Variants in FOXP2 observed in about 807,000 individuals in gnomAD.
The protein encoded by FOXP2 is forkhead box P2.
Under a neutral mutation model 115.8 loss-of-function variants are expected in FOXP2, and 12 were observed. The ratio of observed to expected loss-of-function variants is 0.10; its 90% confidence interval spans 0.07 to 0.17. The LOEUF (loss-of-function observed/expected upper bound fraction) is 0.17, where lower values mean the gene tolerates loss of function less well. Among genes scored for constraint, FOXP2 ranks in the 10% least tolerant of loss-of-function variants. The pLI is 1.00. For synonymous variants in FOXP2, 328 were observed against 297.7 expected (o/e 1.10, Z -1.05); for missense variants, 629 against 843.5 (o/e 0.75, Z 3.15).
At chr7:114,521,343 G>T (rs1798613056) in intron 2 of FOXP2, among the ~76,000 whole-genome samples, 1 of 151,744 alleles carries the variant, frequency 6.6e-6, no homozygotes, top group African/African-American at 2.4e-5. Flanking sequence ...TTAAAAGGGA[G>T]ATTAGAGTGA....
intron 3 of FOXP2, among the ~76,000 whole-genome samples, chr7:114,604,963 C>G (rs1803232873): frequency 6.6e-6 from 1 of 152,134 alleles, no homozygotes; most frequent in African/African-American, 2.4e-5. Context: ...TCTTTCTGAG[C>G]CCATAAGAAA....
intron 1 of FOXP2, among the ~76,000 whole-genome samples, chr7:114,198,996 A>C (rs1007406136): frequency 1.3e-5 from 2 of 152,048 alleles, no homozygotes; most frequent in Non-Finnish European, 2.9e-5. Context: ...TGCATTATGG[A>C]GGGTAATATA....
At chr7:114,584,045 A>T (rs147729290) in intron 3 of FOXP2, among the ~76,000 whole-genome samples, 1 of 152,154 alleles carries the variant, frequency 6.6e-6, no homozygotes, top group South Asian at 2.1e-4. Context: ...AATTTTTATT[A>T]TACACATTTA....
intron 3 of FOXP2, among the ~76,000 whole-genome samples, chr7:114,615,339 C>G (rs1803877752): frequency 6.6e-6 from 1 of 152,186 alleles, no homozygotes; most frequent in Admixed American, 6.5e-5. Flanking sequence ...CTCTCTACTA[C>G]TATTACTGCC....
At chr7:114,213,439 T>C (rs1794407939) in intron 1 of FOXP2, among the ~76,000 whole-genome samples, 1 of 152,210 alleles carries the variant, frequency 6.6e-6, no homozygotes, top group Non-Finnish European at 1.5e-5. Context: ...TAAAGTTTGT[T>C]TACTTAAATA....
chr7:114,086,463 G>T (rs1799418525), upstream of FOXP2: 1 of 341,910 alleles, frequency 2.9e-6, no homozygotes, highest in Non-Finnish European at 5.7e-6. Flanking sequence ...GCTGGCTGCG[G>T]CTTCCTCGGC....
intron 1 of FOXP2, among the ~76,000 whole-genome samples, chr7:114,097,771 C>G (rs1458680227): frequency 1.3e-5 from 2 of 152,146 alleles, no homozygotes; most frequent in Non-Finnish European, 2.9e-5. Context: ...ATCTATTTGA[C>G]TGATTGATAT....
At chr7:114,482,243 A>G (rs1796590642) in intron 2 of FOXP2, among the ~76,000 whole-genome samples, 1 of 151,496 alleles carries the variant, frequency 6.6e-6, no homozygotes, top group Non-Finnish European at 1.5e-5. Context: ...TTAGCCCAGA[A>G]GTCCTACTCA....
chr7:114,591,171 T>G (rs1802419315), intron 3 of FOXP2, among the ~76,000 whole-genome samples: 1 of 152,152 alleles, frequency 6.6e-6, no homozygotes, highest in South Asian at 2.1e-4. Context: ...ATGTTTACTG[T>G]GTATATGCTG....
At chr7:114,326,814 T>G (rs530531274) in intron 2 of FOXP2, among the ~76,000 whole-genome samples, 1 of 152,276 alleles carries the variant, frequency 6.6e-6, no homozygotes, top group African/African-American at 2.4e-5. Flanking sequence ...CAAATAAAGT[T>G]TACTTTTAAG....
chr7:114,131,609 T>C (rs1468049246), intron 1 of FOXP2, among the ~76,000 whole-genome samples: 1 of 152,134 alleles, frequency 6.6e-6, no homozygotes, highest in Non-Finnish European at 1.5e-5. Flanking sequence ...AGGATAACTG[T>C]AGTTTCAAAC....
At chr7:114,450,092 T>G (rs1254861509) in intron 2 of FOXP2, among the ~76,000 whole-genome samples, 1 of 151,698 alleles carries the variant, frequency 6.6e-6, no homozygotes, top group Non-Finnish European at 1.5e-5. Flanking sequence ...TTCCATTAAA[T>G]TATTCATTTG....
intron 1 of FOXP2, among the ~76,000 whole-genome samples, chr7:114,424,404 A>G (rs1335610474): frequency 6.6e-6 from 1 of 151,546 alleles, no homozygotes; most frequent in Non-Finnish European, 1.5e-5. Context: ...AAATAAAAAC[A>G]TACACATATA....
At chr7:114,589,581 G>T (rs943205221) in intron 3 of FOXP2, among the ~76,000 whole-genome samples, 2 of 152,150 alleles carry the variant, frequency 1.3e-5, no homozygotes, top group Non-Finnish European at 2.9e-5. Flanking sequence ...CAGGCAGATG[G>T]TTTGTTTTCT....
chr7:114,322,698 A>G (rs1330352016), intron 2 of FOXP2, among the ~76,000 whole-genome samples: 1 of 152,180 alleles, frequency 6.6e-6, no homozygotes, highest in Non-Finnish European at 1.5e-5. Context: ...CTAAGGCTAG[A>G]GTCCACATTC....
intron 3 of FOXP2, among the ~76,000 whole-genome samples, chr7:114,554,150 T>C (rs1029666958): frequency 2.0e-5 from 3 of 152,150 alleles, no homozygotes; most frequent in African/African-American, 7.2e-5. Flanking sequence ...CTAAAAATTT[T>C]TACCATTTTT....
chr7:114,356,117 G>T (rs1022822967), intron 2 of FOXP2, among the ~76,000 whole-genome samples: 1 of 152,062 alleles, frequency 6.6e-6, no homozygotes, highest in African/African-American at 2.4e-5. Context: ...CCGTAGAAAG[G>T]CCCAAATTAT....
At chr7:114,140,134 G>T (rs564810978) in intron 1 of FOXP2, among the ~76,000 whole-genome samples, 1 of 151,956 alleles carries the variant, frequency 6.6e-6, no homozygotes, top group Admixed American at 6.6e-5. Context: ...GTATGACAAC[G>T]TATGCAGAAA....
chr7:114,606,013 G>T (rs1194580267), intron 3 of FOXP2, among the ~76,000 whole-genome samples: 1 of 152,154 alleles, frequency 6.6e-6, no homozygotes, highest in Non-Finnish European at 1.5e-5. Context: ...AAATGGCCAG[G>T]TATGGAATTA....
Sources: gnomAD v4.1 joint callset for allele counts (sites outside exome capture counted in the v4.1 genomes callset) on GRCh38, gnomAD v4.1.1 for gene constraint, MANE v1.5 for transcripts, NCBI Gene and HGNC (gene_info 2026-07-23, HGNC 2026-07-21) for gene names.